TNS1: variants seen among roughly 807,000 people sequenced by gnomAD.
TNS1 encodes tensin-1.
A neutral mutation model predicts 168.6 loss-of-function variants in TNS1; 62 were observed. The ratio of observed to expected loss-of-function variants is 0.37; its 90% CI spans 0.30 to 0.45. TNS1 has a LOEUF of 0.45. Among genes scored for constraint, TNS1 ranks in the 20% least tolerant of loss-of-function variants. The probability of loss-of-function intolerance (pLI) is 1.00; values close to 1 mark genes in which losing one functional copy is unlikely to be tolerated. For synonymous variants in TNS1, 934 were observed against 933.2 expected (o/e 1.00, Z -0.02); for missense variants, 2,240 against 2,339.4 (o/e 0.96, Z 0.88).
chr2:217,817,707 G>A lies in TNS1; in HGVS notation c.4625C>T (p.Ser1542Phe), dbSNP rs745309678. The stretch of plus-strand genomic sequence containing the variant: ...AGGCCCACCTGGCATGGAGTACTTG[G>A]AGAAGTCGGGCAGAGTGTGGGAGAA... ...VSFSHTLPDFSKYSMPDNSPE... is the reference protein window; with the variant it reads ...VSFSHTLPDFFKYSMPDNSPE... The change falls in exon 24 of 33, where the codon TCC becomes TTC. Residue 1542 changes from serine to phenylalanine, a missense_variant. Around this residue, in one of 2 missense-constraint regions of TNS1, gnomAD observed 2,131 missense variants for 2,171.2 expected, o/e 0.98. Transcript: ENST00000682258. 1 of 1,598,228 alleles carries A rather than the reference G, an allele frequency of 6.3e-7. No homozygotes were observed.
chr2:217,902,990 G>A (rs1006255746), intron 6 of TNS1, among the ~76,000 whole-genome samples: 1 of 152,294 alleles, frequency 6.6e-6, no homozygotes. Context: ...CAGGGGCACG[G>A]CATGTCAGCA....
chr2:217,890,438 T>C (rs1015541739), intron 12 of TNS1: 1 of 153,300 alleles, frequency 6.5e-6, no homozygotes, highest in Non-Finnish European at 1.5e-5. Context: ...TTTTGCTGAA[T>C]GAATAAATCC....
intron 22 of TNS1, chr2:217,830,050 G>C (rs1944192411): frequency 1.1e-5 from 10 of 935,442 alleles, no homozygotes; most frequent in Non-Finnish European, 1.3e-5. Flanking sequence ...GCTGGGGTGA[G>C]GCCAGGGCCG....
rs868231283 is a variant in TNS1 at position 217,830,045 on chromosome 2, G to T, written c.3373+1410C>A. The T allele has an allele frequency of 3.4e-5, 32 of 950,088 alleles. No individual in the cohort carries two copies. In the Middle Eastern group the frequency reaches 2.7e-3, roughly 80 times the overall value. 58.9% of individuals were successfully genotyped at this position (950,088 alleles called of 1,614,324 possible). On this transcript the variant is annotated intron_variant, in intron 22 of 32. Coordinates refer to ENST00000682258, the MANE Select transcript of TNS1 (RefSeq NM_001387777.1). ...GAGAAAACGGAGATGGGAAAGCTGG[G>T]GTGAGGCCAGGGCCGATTTGCGCTG... is the stretch of plus-strand genomic sequence containing the variant.
chr2:217,981,436 TG>T (rs553705955), intron 2 of TNS1, among the ~76,000 whole-genome samples: 1 of 152,040 alleles, frequency 6.6e-6, no homozygotes, highest in Non-Finnish European at 1.5e-5. Flanking sequence ...TGCCCTCAAG[TG>T]GGGGGGCAAA....
rs79888115 is a variant in TNS1, at chr2:217,917,829, C to CAA, written c.228+2364_228+2365dup. ...CTGGGCAACACAGTGAGACTGTTCT[C>CAA]AAAAAAAAAAAAAAAAAAAGACTTG... On this transcript the variant is annotated intron_variant, in intron 4 of 32. Coordinates refer to ENST00000682258, the MANE Select transcript of TNS1 (RefSeq NM_001387777.1). Among the ~76,000 whole-genome samples, 51 of 75,948 alleles carry CAA rather than the reference C, an allele frequency of 6.7e-4. 1 individual carries two copies. Among genetic ancestry groups the CAA allele is most frequent in the African/African-American group, 1.8e-3 (40 of 22,264 alleles). 49.8% of individuals were successfully genotyped at this position (75,948 alleles called of 152,430 possible).
chr2:217,902,365 C>A (rs1468643129), intron 6 of TNS1, among the ~76,000 whole-genome samples: 1 of 152,208 alleles, frequency 6.6e-6, no homozygotes, highest in Non-Finnish European at 1.5e-5. Context: ...CTGCTTTGAA[C>A]AACTGGAAGC....
At chr2:217,964,890 C>T (rs1488025613) in intron 3 of TNS1, among the ~76,000 whole-genome samples, 1 of 152,326 alleles carries the variant, frequency 6.6e-6, no homozygotes, top group African/African-American at 2.4e-5. Flanking sequence ...TCCTAACGGC[C>T]CCCCGCTAAC....
chr2:217,815,367 C>T (rs914531174), intron 24 of TNS1: 1 of 211,396 alleles, frequency 4.7e-6, no homozygotes, highest in Non-Finnish European at 9.7e-6. Flanking sequence ...AAGGAGCCAA[C>T]CTTGCCAACA....
intron 1 of TNS1, among the ~76,000 whole-genome samples, chr2:218,020,902 C>T (rs917248521): frequency 3.9e-5 from 6 of 152,156 alleles, no homozygotes; most frequent in East Asian, 1.9e-4. Flanking sequence ...GCAATTCGGA[C>T]GAAGCAAGTG....
intron 18 of TNS1, among the ~76,000 whole-genome samples, chr2:217,853,181 C>T (rs1947731400): frequency 6.6e-6 from 1 of 152,174 alleles, no homozygotes; most frequent in Non-Finnish European, 1.5e-5. Context: ...GGTTTCAATC[C>T]ATCAAGGCAG....
intron 4 of TNS1, among the ~76,000 whole-genome samples, chr2:217,914,241 TCC>T (rs372701991): frequency 2.0e-5 from 3 of 152,156 alleles, no homozygotes; most frequent in Non-Finnish European, 4.4e-5. Flanking sequence ...AGTGTGGTTC[TCC>T]CTCTCCCACT....
At chr2:217,981,554 C>T (rs1958049393) in intron 2 of TNS1, among the ~76,000 whole-genome samples, 2 of 152,194 alleles carry the variant, frequency 1.3e-5, no homozygotes, top group Admixed American at 1.3e-4. Context: ...CGAGGGAAGA[C>T]CACTCCCACC....
At chr2:217,962,891 A>G (rs777150436) in intron 3 of TNS1, among the ~76,000 whole-genome samples, 3 of 152,212 alleles carry the variant, frequency 2.0e-5, no homozygotes, top group Non-Finnish European at 4.4e-5. Context: ...AACACTGGCC[A>G]AATTCTACTA....
At chr2:218,022,950 G>T (rs1958821702) in intron 1 of TNS1, among the ~76,000 whole-genome samples, 1 of 152,124 alleles carries the variant, frequency 6.6e-6, no homozygotes, top group African/African-American at 2.4e-5. Flanking sequence ...CCTGAGCCAG[G>T]GGGCAACAGG....
At chr2:217,988,870 A>G (rs1958273367) in intron 2 of TNS1, among the ~76,000 whole-genome samples, 1 of 152,104 alleles carries the variant, frequency 6.6e-6, no homozygotes, top group Non-Finnish European at 1.5e-5. Context: ...GGGATGACAC[A>G]AGCACCTTTT....
rs1953917273 is a variant in TNS1 at position 217,908,036 on chromosome 2, A to C, written c.229-785T>G. On this transcript the variant is annotated intron_variant, in intron 4 of 32. Transcript: ENST00000682258. ...TCCTTAGTGTATGAATAATCTCATC[A>C]TGGGAATAGATGACTTGTTTCCCCA... is the stretch of plus-strand genomic sequence containing the variant. Among the ~76,000 whole-genome samples, 2 of 152,324 alleles carry C rather than the reference A, an allele frequency of 1.3e-5. 1 individual carries two copies. Among genetic ancestry groups the C allele is most frequent in the South Asian group, 4.1e-4 (2 of 4,822 alleles).
At chr2:217,812,279 G>T in intron 28 of TNS1, 89 bp downstream of exon 28, 3 of 1,057,214 alleles carry the variant, frequency 2.8e-6, no homozygotes, top group South Asian at 2.9e-5. Context: ...TCCAGCCCTG[G>T]CCCATGTCCG....
chr2:217,928,070 A>G (rs1334100860), intron 3 of TNS1, among the ~76,000 whole-genome samples: 2 of 152,222 alleles, frequency 1.3e-5, no homozygotes, highest in Non-Finnish European at 2.9e-5. Flanking sequence ...GCAAGCTGGG[A>G]GGCCCAGGGG....
Sources: gnomAD v4.1 joint callset for allele counts (sites outside exome capture counted in the v4.1 genomes callset) on GRCh38, gnomAD v4.1.1 for gene constraint, gnomAD v4.1.1 regional missense constraint, MANE v1.5 for transcripts, NCBI Gene and HGNC (gene_info 2026-07-23, HGNC 2026-07-21) for gene names.